CGRRF1: variants seen among roughly 807,000 people sequenced by gnomAD.
CGRRF1 encodes the protein cell growth regulator with ring finger domain 1, also known as cell growth regulator with RING finger domain protein 1.
Under a neutral mutation model 37.2 loss-of-function variants are expected in CGRRF1, and 32 were observed. The observed-to-expected ratio is 0.86, with a 90% CI of 0.65 to 1.16. The LOEUF (loss-of-function observed/expected upper bound fraction) is 1.16. Among genes scored for constraint, CGRRF1 ranks in the 50% most tolerant of loss-of-function variants. The pLI is 0.00. For synonymous variants in CGRRF1, 141 were observed against 140.3 expected (o/e 1.00, Z -0.04); for missense variants, 391 against 382.6 (o/e 1.02, Z -0.18).
chr14:54,532,533 A>G (rs2032532725), intron 4 of CGRRF1, among the ~76,000 whole-genome samples: 1 of 152,084 alleles, frequency 6.6e-6, no homozygotes, highest in African/African-American at 2.4e-5. Context: ...AATTTGCATT[A>G]TAATAGTAAC....
At chr14:54,537,921 T>C (rs893844386) in intron 5 of CGRRF1, 92 bp downstream of exon 5, 17 of 1,509,420 alleles carry the variant, frequency 1.1e-5, no homozygotes, top group African/African-American at 2.8e-5. Flanking sequence ...TATTTTTCAG[T>C]TAATAATTAC....
chr14:54,513,251 G>A (rs1296851222), intron 1 of CGRRF1, among the ~76,000 whole-genome samples: 1 of 152,218 alleles, frequency 6.6e-6, no homozygotes, highest in African/African-American at 2.4e-5. Context: ...CCCACAACAT[G>A]TAGTGGCATC....
At chr14:54,510,448 AC>A (rs1184231842) in intron 1 of CGRRF1, among the ~76,000 whole-genome samples, 1 of 152,144 alleles carries the variant, frequency 6.6e-6, no homozygotes, top group Non-Finnish European at 1.5e-5. Flanking sequence ...TGAGTTAGTC[AC>A]CTGTGCTACA....
intron 1 of CGRRF1, among the ~76,000 whole-genome samples, chr14:54,515,709 TTGTC>T (rs2032204490): frequency 2.0e-5 from 3 of 152,198 alleles, no homozygotes; most frequent in Admixed American, 1.3e-4. Flanking sequence ...GAGATCTACT[TTGTC>T]TGGTATTAAT....
At chr14:54,532,384 T>G (rs560870276) in intron 4 of CGRRF1, among the ~76,000 whole-genome samples, 41 of 152,174 alleles carry the variant, frequency 2.7e-4, no homozygotes, top group African/African-American at 9.4e-4. Flanking sequence ...AGAGACAAAG[T>G]TACAGATACA....
intron 1 of CGRRF1, among the ~76,000 whole-genome samples, chr14:54,520,250 A>G (rs536384059): frequency 6.6e-6 from 1 of 152,088 alleles, no homozygotes; most frequent in Non-Finnish European, 1.5e-5. Flanking sequence ...CTGGGACTGC[A>G]GGCGCCCACC....
intron 4 of CGRRF1, among the ~76,000 whole-genome samples, chr14:54,532,026 A>G (rs766481907): frequency 6.6e-6 from 1 of 152,148 alleles, no homozygotes; most frequent in Non-Finnish European, 1.5e-5. Context: ...GGACAGGGCA[A>G]ATATTCTCCT....
chr14:54,519,823 A>G (rs889502537), intron 1 of CGRRF1, among the ~76,000 whole-genome samples: 7 of 152,236 alleles, frequency 4.6e-5, no homozygotes, highest in South Asian at 2.1e-4. Flanking sequence ...ATTTTCAAAC[A>G]TACAGAATAC....
At position 54,519,827 on chromosome 14, in the gene CGRRF1, A is replaced by G. The variant is rs576316785; in HGVS notation, c.105-2627A>G. Among the ~76,000 whole-genome samples, 13 of 152,374 alleles carry G rather than the reference A, an allele frequency of 8.5e-5. 1 individual carries two copies. The highest frequency in any genetic ancestry group is 7.2e-4 in the Admixed American group (11 of 15,306). On this transcript the variant is annotated intron_variant, in intron 1 of 5. Coordinates refer to ENST00000216420, the MANE Select transcript of CGRRF1 (RefSeq NM_006568.3). ...TTATTATAAAAATTTTCAAACATAC[A>G]GAATACTAGAAAGAATTACACAGTG... is the stretch of plus-strand genomic sequence containing the variant.
At chr14:54,513,403 A>G (rs745710748) in intron 1 of CGRRF1, among the ~76,000 whole-genome samples, 2 of 152,240 alleles carry the variant, frequency 1.3e-5, no homozygotes, top group African/African-American at 2.4e-5. Flanking sequence ...GAAGTGAGAT[A>G]GGTGCTTCTT....
intron 2 of CGRRF1, among the ~76,000 whole-genome samples, chr14:54,524,772 C>T (rs997898118): frequency 2.0e-5 from 3 of 152,116 alleles, no homozygotes; most frequent in African/African-American, 7.2e-5. Flanking sequence ...ACTAGGATCT[C>T]GGCCACTCCC....
At chr14:54,522,336 A>G in intron 1 of CGRRF1, 118 bp from the exon 2 acceptor site, 1 of 673,962 alleles carries the variant, frequency 1.5e-6, no homozygotes, top group Non-Finnish European at 2.3e-6. Flanking sequence ...TGAGAAATTT[A>G]ACCTCTTTCT....
chr14:54,509,986 T>G lies in CGRRF1; in HGVS notation c.27T>G (p.Leu9=). The change falls in exon 1 of 6, where the codon CTT becomes CTG. Residue 9 remains leucine, a synonymous_variant. Coordinates refer to ENST00000216420, the MANE Select transcript of CGRRF1 (RefSeq NM_006568.3). ...TGGCTGCGGTGTTTCTGGTAACGCT[T>G]TATGAATACTCGCCGCTTTTCTACA... MAAVFLVT[L]YEYSPLFYIA... 1 of 1,613,912 alleles carries G rather than the reference T, an allele frequency of 6.2e-7. No individual in the cohort carries two copies.
chr14:54,529,215 C>T lies in CGRRF1; in HGVS notation c.245-834C>T, dbSNP rs187338408. 2.5e-4 allele frequency among the ~76,000 whole-genome samples: 38 copies of T among 152,202 alleles called. No homozygotes were observed. In the East Asian group the frequency reaches 4.1e-3, roughly 16 times the overall value. ...ACAGTTTGCGCTGCTACAGTTTGCA[C>T]CCCCAGCAGTATGAAAGGCTGGATG... On this transcript the variant is annotated intron_variant, in intron 2 of 5. Coordinates refer to ENST00000216420, the MANE Select transcript of CGRRF1 (RefSeq NM_006568.3).
chr14:54,537,051 C>G (rs2032611654), intron 4 of CGRRF1: 1 of 152,030 alleles, frequency 6.6e-6, no homozygotes, highest in East Asian at 1.9e-4. Context: ...AATAGCTATC[C>G]AATTGTCCCA....
chr14:54,528,171 A>AATAGTGTG (rs1473232800), intron 2 of CGRRF1, among the ~76,000 whole-genome samples: 3 of 150,604 alleles, frequency 2.0e-5, no homozygotes, highest in Admixed American at 6.6e-5. Context: ...ATCATTTCAT[A>AATAGTGTG]ATAGTGTGTG....
chr14:54,538,010 A>G, intron 5 of CGRRF1, 53 bp from the exon 6 acceptor site: 1 of 1,460,032 alleles, frequency 6.8e-7, no homozygotes, highest in Middle Eastern at 2.3e-4. Flanking sequence ...CCCCAATTTT[A>G]AAGAGTAATT....
chr14:54,518,228 T>A (rs2032249003), intron 1 of CGRRF1, among the ~76,000 whole-genome samples: 1 of 152,192 alleles, frequency 6.6e-6, no homozygotes. Context: ...TGAACTAATT[T>A]ATATTCCCAC....
intron 1 of CGRRF1, among the ~76,000 whole-genome samples, chr14:54,521,383 C>T (rs1467395832): frequency 2.6e-5 from 4 of 151,652 alleles, no homozygotes; most frequent in African/African-American, 4.8e-5. Context: ...ATTGCTTTAA[C>T]CCGGGAGGCA....
Sources: gnomAD v4.1 joint callset for allele counts (sites outside exome capture counted in the v4.1 genomes callset) on GRCh38, gnomAD v4.1.1 for gene constraint, MANE v1.5 for transcripts, NCBI Gene and HGNC (gene_info 2026-07-23, HGNC 2026-07-21) for gene names.